PPP4R3B: variants seen among roughly 807,000 people sequenced by gnomAD.
The protein encoded by PPP4R3B is serine/threonine-protein phosphatase 4 regulatory subunit 3B.
In PPP4R3B, 52 loss-of-function variants were observed where a neutral mutation model predicts 95.4. That is an observed-to-expected ratio of 0.54 (90% CI 0.44 to 0.69). The LOEUF (loss-of-function observed/expected upper bound fraction) is 0.69. Among genes scored for constraint, PPP4R3B ranks in the 30% least tolerant of loss-of-function variants. The pLI is 0.00. For missense variants in PPP4R3B, 1,003 were observed against 1,005.9 expected (o/e 1.00, Z 0.04); for synonymous variants, 407 against 343.9 (o/e 1.18, Z -2.03).
At chr2:55,599,186 C>T in intron 3 of PPP4R3B, 147 bp from the exon 4 acceptor site, 1 of 752,138 alleles carries the variant, frequency 1.3e-6, no homozygotes, top group East Asian at 2.8e-5. Flanking sequence ...GCCTGTAATC[C>T]CAGCACTTTA....
chr2:55,613,243 T>G (rs1694432390), intron 2 of PPP4R3B, among the ~76,000 whole-genome samples: 1 of 152,000 alleles, frequency 6.6e-6, no homozygotes, highest in South Asian at 2.1e-4. Flanking sequence ...GTACTCAATT[T>G]AAACAAAAAT....
chr2:55,605,546 T>C (rs72803588), intron 2 of PPP4R3B, among the ~76,000 whole-genome samples: 5,564 of 152,302 alleles, frequency 0.037, 144 homozygotes, highest in South Asian at 0.091. Context: ...TTCCTGGCTA[T>C]GCTTTTTGGG....
intron 12 of PPP4R3B, among the ~76,000 whole-genome samples, chr2:55,570,811 G>A (rs1288021416): frequency 5.3e-5 from 8 of 152,196 alleles, no homozygotes; most frequent in East Asian, 1.9e-4. Context: ...ATGGGGAGAC[G>A]TGTTAGACTT....
At position 55,564,990 on chromosome 2, in the gene PPP4R3B, G is replaced by C. The variant is rs1332746020; in HGVS notation, c.1987C>G (p.Leu663Val). Residue 663 changes from leucine (L) to valine (V), a missense_variant, in exon 14 of 17, where the codon CTT (leucine) becomes GTT (valine). Around this residue, in one of 3 missense-constraint regions of PPP4R3B, gnomAD observed 79 missense variants for 124.9 expected, o/e 0.63. Transcript: ENST00000616407. ...GTCTGAACATATTCAATCGATTCAA[G>C]TGCTTTATAAAAGTTTTCAACTATA... Reference protein sequence around the residue: ...AHIVENFYKALESIEYVQTFK... With the variant: ...AHIVENFYKAVESIEYVQTFK... 1 of 1,609,796 alleles carries C rather than the reference G, an allele frequency of 6.2e-7. No individual in the cohort carries two copies. Among genetic ancestry groups the C allele is most frequent in the Non-Finnish European group, 8.5e-7 (1 of 1,178,344 alleles).
chr2:55,603,707 T>C (rs1692981727), intron 3 of PPP4R3B, among the ~76,000 whole-genome samples: 1 of 152,222 alleles, frequency 6.6e-6, no homozygotes, highest in African/African-American at 2.4e-5. Context: ...TTTGGTTTGC[T>C]TAAAGTACTT....
Position 55,564,882 on chromosome 2 carries a change from G to A in PPP4R3B, c.2075+20C>T, listed in dbSNP as rs1468378506. 3.1e-6 allele frequency: 5 copies of A among 1,602,826 alleles called. No individual in the cohort carries two copies. The Admixed American group carries it at 5.3e-5, about 17-fold the overall frequency. ...GGACACAGTTTTGTAGGCTATAAAAGCAGTATACTTAAACAATACCTGTTC... is the reference window on the plus strand; with the variant it reads ...GGACACAGTTTTGTAGGCTATAAAAACAGTATACTTAAACAATACCTGTTC... On this transcript the variant is annotated intron_variant, in intron 14 of 16. Transcript: ENST00000616407.
In PPP4R3B at chr2:55,547,384, G is replaced by A. The variant is rs1454454902; in HGVS notation, c.*2527C>T. On this transcript the variant is annotated 3_prime_UTR_variant, in exon 17 of 17. Coordinates refer to ENST00000616407, the MANE Select transcript of PPP4R3B (RefSeq NM_001122964.3). ...AAGAAGACCTAAGGCATACAAATGT[G>A]GGCTTTTGGCTTGCTTCACTGAATG... 6.6e-6 allele frequency: 1 copy of A among 152,140 alleles called. No homozygotes were observed. Among genetic ancestry groups the A allele is most frequent in the Non-Finnish European group, 1.5e-5 (1 of 68,036 alleles). The allele number at this position is 152,140 out of a possible 1,614,324, so 9.4% of individuals were successfully genotyped here.
Position 55,560,838 on chromosome 2 carries a change from G to A in PPP4R3B, c.2261-1870C>T, listed in dbSNP as rs142512354. ...AGGCCTTCTGGCGGTTTCTAAAAGC[G>A]TATGCTCATATGCATGAAGAAAGAG... On this transcript the variant is annotated intron_variant, in intron 15 of 16. Transcript: ENST00000616407. Among the ~76,000 whole-genome samples the A allele has an allele frequency of 1.4e-3, 210 of 148,794 alleles. 1 individual carries two copies. The highest frequency in any genetic ancestry group is 4.6e-3 in the African/African-American group (185 of 40,426).
chr2:55,599,009 T>G lies in PPP4R3B; in HGVS notation c.328A>C (p.Thr110Pro). ...TCAGATTCATCAATGAGGTCCTGTG[T>G]GACTTCCACTGATGGGTCTTTACCT... The part of the protein sequence containing the change: ...VQGKDPSVEV[T>P]QDLIDESEEE... The change falls in exon 4 of 17, where the codon ACA becomes CCA. Residue 110 changes from threonine to proline, a missense_variant. Coordinates refer to ENST00000616407, the MANE Select transcript of PPP4R3B (RefSeq NM_001122964.3). 1 of 1,613,664 alleles carries G rather than the reference T, an allele frequency of 6.2e-7. No individual in the cohort carries two copies. Among genetic ancestry groups the G allele is most frequent in the Non-Finnish European group, 8.5e-7 (1 of 1,179,844 alleles).
intron 15 of PPP4R3B, among the ~76,000 whole-genome samples, chr2:55,562,540 G>A (rs187034166): frequency 3.2e-4 from 49 of 152,264 alleles, no homozygotes; most frequent in African/African-American, 1.1e-3. Context: ...TGACTGTAAG[G>A]TTCTCGAAGC....
At chr2:55,617,109 C>T (rs371734429) in intron 1 of PPP4R3B, 35 bp downstream of exon 1, 10 of 1,579,400 alleles carry the variant, frequency 6.3e-6, no homozygotes, top group Non-Finnish European at 8.6e-6. Context: ...CAACCAGAGG[C>T]ACTATCCCCT....
At chr2:55,558,585 C>T (rs572196682) in intron 16 of PPP4R3B, among the ~76,000 whole-genome samples, 190 bp downstream of exon 16, 24 of 151,834 alleles carry the variant, frequency 1.6e-4, no homozygotes, top group East Asian at 1.4e-3. Flanking sequence ...TCCAGCCTGG[C>T]GACAGAGTGA....
intron 2 of PPP4R3B, among the ~76,000 whole-genome samples, chr2:55,608,499 T>C (rs1053626439): frequency 2.6e-5 from 4 of 152,186 alleles, no homozygotes; most frequent in Admixed American, 6.5e-5. Context: ...TCAATAAAGA[T>C]CACAAAATCC....
chr2:55,579,193 T>G (rs1375083711), intron 9 of PPP4R3B, among the ~76,000 whole-genome samples: 3 of 152,074 alleles, frequency 2.0e-5, no homozygotes, highest in African/African-American at 7.2e-5. Flanking sequence ...AAAGAGAATA[T>G]GGAAATGCAA....
chr2:55,552,398 A>AAT (rs528341447), intron 16 of PPP4R3B, among the ~76,000 whole-genome samples: 255 of 152,128 alleles, frequency 1.7e-3, no homozygotes, highest in African/African-American at 5.8e-3. Flanking sequence ...CCATGGTATG[A>AAT]ATATATATAT....
chr2:55,607,199 T>C (rs1337323968), intron 2 of PPP4R3B, among the ~76,000 whole-genome samples: 5 of 152,184 alleles, frequency 3.3e-5, no homozygotes, highest in African/African-American at 1.2e-4. Flanking sequence ...CACCAAGAAG[T>C]GTGAGGATTT....
intron 1 of PPP4R3B, among the ~76,000 whole-genome samples, chr2:55,615,857 C>CAAAAAAAAAAAAAAAAAAAA (rs58981030): frequency 7.7e-5 from 3 of 39,066 alleles, no homozygotes; most frequent in African/African-American, 5.4e-4. Flanking sequence ...ACTCTGTCTC[C>CAAAAAAAAAAAAAAAAAAAA]AAAAAAAAAA....
At chr2:55,609,434 C>A (rs1275969651) in intron 2 of PPP4R3B, among the ~76,000 whole-genome samples, 1 of 152,114 alleles carries the variant, frequency 6.6e-6, no homozygotes. Flanking sequence ...GTATTCCCAG[C>A]ACTTTGGAAG....
intron 2 of PPP4R3B, among the ~76,000 whole-genome samples, chr2:55,610,225 T>A (rs1693979664): frequency 6.6e-6 from 1 of 152,202 alleles, no homozygotes; most frequent in Non-Finnish European, 1.5e-5. Context: ...GACTTTCATT[T>A]TTTGTATCTG....
Sources: gnomAD v4.1 joint callset for allele counts (sites outside exome capture counted in the v4.1 genomes callset) on GRCh38, gnomAD v4.1.1 for gene constraint, gnomAD v4.1.1 regional missense constraint, MANE v1.5 for transcripts, NCBI Gene and HGNC (gene_info 2026-07-23, HGNC 2026-07-21) for gene names.